Variants in DMD observed in about 807,000 individuals in gnomAD.
DMD encodes the protein mutant dystrophin.
A neutral mutation model predicts 330.1 loss-of-function variants in DMD; 63 were observed. That is an observed-to-expected ratio of 0.19 (90% CI 0.16 to 0.24). The LOEUF is 0.24. Ranked by LOEUF, DMD falls within the 10% of genes least tolerant of loss-of-function variation. The probability of loss-of-function intolerance (pLI) is 1.00; values close to 1 mark genes in which losing one functional copy is unlikely to be tolerated. For missense variants in DMD, 3,344 were observed against 2,684.1 expected, an observed-to-expected ratio of 1.25 and a Z score of -5.43; for synonymous variants, 1,223 against 959.8, an observed-to-expected ratio of 1.27 and a Z score of -5.07.
At chrX:31,351,760 A>AATAGACTAT (rs2058439179) in intron 60 of DMD, among the ~76,000 whole-genome samples, 2 of 108,711 alleles carry the variant, frequency 1.8e-5, no homozygotes, top group Admixed American at 2.0e-4. Flanking sequence ...AAAGGAGAGC[A>AATAGACTAT]ATAGACTATA....
At chrX:32,822,419 A>G (rs960009768) in intron 5 of DMD, among the ~76,000 whole-genome samples, 3 of 110,428 alleles carry the variant, frequency 2.7e-5, no homozygotes, top group African/African-American at 9.9e-5. Flanking sequence ...ACGAGTTACT[A>G]TTACGTATAT....
intron 48 of DMD, among the ~76,000 whole-genome samples, chrX:31,838,002 G>C (rs1197041748): frequency 8.9e-6 from 1 of 112,096 alleles, no homozygotes; most frequent in African/African-American, 3.2e-5. Flanking sequence ...CAGTAGTTTA[G>C]CTACTTTACA....
chrX:32,243,508 T>C (rs1404791830), intron 43 of DMD, among the ~76,000 whole-genome samples: 1 of 112,149 alleles, frequency 8.9e-6, no homozygotes, highest in African/African-American at 3.2e-5. Flanking sequence ...TCCCAGTATG[T>C]TTAATTTTAA....
intron 1 of DMD, chrX:33,128,341 AAC>A (rs1159694623): frequency 9.7e-7 from 1 of 1,025,860 alleles, no homozygotes. Context: ...AAAGCAGACA[AAC>A]ACACAATCTT....
At chrX:32,157,799 G>T (rs924209537) in intron 44 of DMD, among the ~76,000 whole-genome samples, 1 of 111,745 alleles carries the variant, frequency 8.9e-6, no homozygotes, top group Non-Finnish European at 1.9e-5. Flanking sequence ...CTAATGGTGT[G>T]GTCTGCATCA....
intron 59 of DMD, among the ~76,000 whole-genome samples, chrX:31,467,871 A>C (rs1322708944): frequency 9.0e-6 from 1 of 111,226 alleles, no homozygotes; most frequent in African/African-American, 3.3e-5. Context: ...CAGGGATTCG[A>C]TTTCTTCCTG....
At chrX:31,528,766 A>C (rs1365448765) in intron 55 of DMD, among the ~76,000 whole-genome samples, 1 of 111,081 alleles carries the variant, frequency 9.0e-6, no homozygotes, top group East Asian at 2.8e-4. Context: ...TCTTAATCTC[A>C]TGTAATTAGG....
chrX:32,850,707 A>T (rs1242574041), intron 2 of DMD, among the ~76,000 whole-genome samples: 1 of 111,645 alleles, frequency 9.0e-6, no homozygotes, highest in Non-Finnish European at 1.9e-5. Flanking sequence ...TATCTTTCTA[A>T]CATTTGTCTT....
In DMD at chrX:32,086,134, T is replaced by C. The variant is rs191674998; in HGVS notation, c.6439-117620A>G. 2.0e-3 allele frequency among the ~76,000 whole-genome samples: 220 copies of C among 112,084 alleles called. 1 individual carries two copies. The highest frequency in any genetic ancestry group is 2.4e-3 in the Non-Finnish European group (129 of 53,203). ...AATATAGTAGGGCAAAACCAATCTATGCTGTCACAGATCAGATCGGTGATT... is the reference window on the plus strand; with the variant it reads ...AATATAGTAGGGCAAAACCAATCTACGCTGTCACAGATCAGATCGGTGATT... On this transcript the variant is annotated intron_variant, in intron 44 of 78. Coordinates refer to ENST00000357033, the MANE Select transcript of DMD (RefSeq NM_004006.3).
At chrX:32,115,924 C>T (rs1298674642) in intron 44 of DMD, among the ~76,000 whole-genome samples, 2 of 111,929 alleles carry the variant, frequency 1.8e-5, no homozygotes, top group African/African-American at 6.5e-5. Context: ...GCTTCCATTT[C>T]AGTCTAACCT....
chrX:33,174,134 G>C (rs912752961), intron 1 of DMD, among the ~76,000 whole-genome samples: 1 of 109,059 alleles, frequency 9.2e-6, no homozygotes, highest in Non-Finnish European at 1.9e-5. Context: ...ACAATCATGG[G>C]AACGACAAGG....
chrX:32,408,935 T>C (rs1393265249), intron 30 of DMD, among the ~76,000 whole-genome samples: 1 of 109,493 alleles, frequency 9.1e-6, no homozygotes, highest in Non-Finnish European at 1.9e-5. Flanking sequence ...CATACATCCA[T>C]CCATCTATCC....
chrX:32,402,333 A>G (rs757992430), intron 30 of DMD, among the ~76,000 whole-genome samples: 1 of 111,775 alleles, frequency 8.9e-6, no homozygotes, highest in Admixed American at 9.6e-5. Context: ...TTTAAAAACA[A>G]CTTTGAGGTA....
chrX:32,353,684 T>C lies in DMD; in HGVS notation c.5326-5156A>G, dbSNP rs930922573. ...ACCAAGCATAGGTTTTGGACACTTT[T>C]AATTTTTTACTTACCTTTTCATTTT... On this transcript the variant is annotated intron_variant, in intron 37 of 78. Transcript: ENST00000357033. Among the ~76,000 whole-genome samples the C allele has an allele frequency of 9.0e-5, 10 of 111,386 alleles. No individual in the cohort carries two copies. In the Admixed American group the frequency reaches 9.6e-4, roughly 11 times the overall value.
At chrX:31,565,265 T>C (rs1222114369) in intron 55 of DMD, among the ~76,000 whole-genome samples, 2 of 110,764 alleles carry the variant, frequency 1.8e-5, no homozygotes, top group Non-Finnish European at 3.8e-5. Context: ...GTGTTGCCCT[T>C]TTGGAGTCAC....
chrX:32,501,739 C>T lies in DMD; in HGVS notation c.2380+16G>A, dbSNP rs371594190. On this transcript the variant is annotated intron_variant, in intron 19 of 78. Coordinates refer to ENST00000357033, the MANE Select transcript of DMD (RefSeq NM_004006.3). ...AAATCCCTAAGAAGATTATCTAAAT[C>T]AACTCGTGTAATTACCATTCACCAT... 7 of 1,164,622 alleles carry T rather than the reference C, an allele frequency of 6.0e-6. No homozygotes were observed. The African/African-American group carries it at 8.9e-5, about 15-fold the overall frequency.
At chrX:31,813,366 G>A (rs1471995785) in intron 50 of DMD, among the ~76,000 whole-genome samples, 2 of 111,828 alleles carry the variant, frequency 1.8e-5, no homozygotes, top group Non-Finnish European at 3.8e-5. Flanking sequence ...ATCCCCACGT[G>A]TTGTGGGAGG....
At chrX:32,494,619 C>T (rs750655884) in intron 19 of DMD, among the ~76,000 whole-genome samples, 29 of 111,055 alleles carry the variant, frequency 2.6e-4, no homozygotes, top group Non-Finnish European at 5.1e-4. Flanking sequence ...TTACTTATAA[C>T]AAATGCTGAC....
intron 17 of DMD, among the ~76,000 whole-genome samples, chrX:32,526,131 C>T (rs987329591): frequency 2.7e-5 from 3 of 111,405 alleles, no homozygotes; most frequent in Non-Finnish European, 5.7e-5. Flanking sequence ...AACGTACTTC[C>T]GAATGTTATC....
Sources: gnomAD v4.1 joint callset for allele counts (sites outside exome capture counted in the v4.1 genomes callset) on GRCh38, gnomAD v4.1.1 for gene constraint, MANE v1.5 for transcripts, NCBI Gene and HGNC (gene_info 2026-07-23, HGNC 2026-07-21) for gene names.